CCDC6: variants seen among roughly 807,000 people sequenced by gnomAD.
CCDC6 encodes coiled-coil domain containing 6, also known as coiled-coil domain-containing protein 6.
CCDC6 carries 20 observed loss-of-function variants against 56.6 expected under a neutral mutation model. The ratio of observed to expected loss-of-function variants is 0.35; its 90% confidence interval spans 0.25 to 0.51. The LOEUF is 0.51. CCDC6 is among the 20% of genes least tolerant of loss of function. The pLI is 0.95. For missense variants in CCDC6, 367 were observed against 601.1 expected (o/e 0.61, Z 4.07); for synonymous variants, 241 against 234.4 (o/e 1.03, Z -0.26).
intron 2 of CCDC6, among the ~76,000 whole-genome samples, chr10:59,837,129 A>G (rs1275441272): frequency 6.6e-6 from 1 of 152,222 alleles, no homozygotes; most frequent in Admixed American, 6.5e-5. Context: ...GATTTCTGGA[A>G]CCACTTCAAT....
chr10:59,805,864 A>G (rs2070617567), intron 6 of CCDC6, among the ~76,000 whole-genome samples: 1 of 152,330 alleles, frequency 6.6e-6, no homozygotes, highest in African/African-American at 2.4e-5. Context: ...TCCACAGCAA[A>G]CTGATCAACA....
intron 5 of CCDC6, among the ~76,000 whole-genome samples, chr10:59,808,144 TC>T (rs958753247): frequency 2.6e-5 from 4 of 151,966 alleles, no homozygotes; most frequent in African/African-American, 9.7e-5. Flanking sequence ...CCCCCACAAA[TC>T]CAGGTCTCTG....
At chr10:59,873,324 AG>A (rs1402869142) in intron 1 of CCDC6, among the ~76,000 whole-genome samples, 1 of 152,132 alleles carries the variant, frequency 6.6e-6, no homozygotes, top group Non-Finnish European at 1.5e-5. Flanking sequence ...TGTCCTTATA[AG>A]AAGGGAAAAT....
chr10:59,828,236 A>G (rs1400476062), intron 3 of CCDC6, among the ~76,000 whole-genome samples: 1 of 152,246 alleles, frequency 6.6e-6, no homozygotes, highest in Non-Finnish European at 1.5e-5. Context: ...TCTGCAAGTC[A>G]GGGTTTATAG....
intron 1 of CCDC6, among the ~76,000 whole-genome samples, chr10:59,899,267 A>G (rs1488485750): frequency 1.3e-5 from 2 of 152,238 alleles, no homozygotes; most frequent in Admixed American, 6.5e-5. Flanking sequence ...TGACAATTCA[A>G]TATACCTGAA....
At chr10:59,889,426 A>G (rs1177706) in intron 1 of CCDC6, among the ~76,000 whole-genome samples, 150,584 of 152,330 alleles carry the variant, frequency 0.99, 74,455 homozygotes, top group East Asian at 1. Context: ...CCTTCTCCCT[A>G]GAATGCCCTT....
At chr10:59,897,892 C>T (rs1374946507) in intron 1 of CCDC6, among the ~76,000 whole-genome samples, 1 of 152,204 alleles carries the variant, frequency 6.6e-6, no homozygotes, top group African/African-American at 2.4e-5. Flanking sequence ...CAACTCTGCT[C>T]TGCAGTACCA....
At chr10:59,905,993 C>T (rs2071542214) in intron 1 of CCDC6, 129 bp downstream of exon 1, 2 of 809,990 alleles carry the variant, frequency 2.5e-6, no homozygotes, top group Admixed American at 2.9e-5. Flanking sequence ...AGCAGGTCCC[C>T]GCAGGGAGTG....
chr10:59,898,821 G>A (rs1170873062), intron 1 of CCDC6, among the ~76,000 whole-genome samples: 1 of 152,174 alleles, frequency 6.6e-6, no homozygotes, highest in East Asian at 1.9e-4. Flanking sequence ...CGGGGGCAGA[G>A]AGGGGAGACC....
intron 2 of CCDC6, among the ~76,000 whole-genome samples, chr10:59,847,817 CTTT>C (rs757902015): frequency 3.8e-5 from 4 of 104,838 alleles, no homozygotes; most frequent in South Asian, 3.4e-4. Context: ...GCCTTTTAGA[CTTT>C]TTTTTTTTTT....
chr10:59,869,730 G>T (rs1344261312), intron 1 of CCDC6, among the ~76,000 whole-genome samples: 1 of 152,016 alleles, frequency 6.6e-6, no homozygotes, highest in Admixed American at 6.6e-5. Context: ...TGACCACTTT[G>T]TTACCCTGCT....
At chr10:59,819,032 C>T (rs1040445302) in intron 3 of CCDC6, among the ~76,000 whole-genome samples, 19 of 152,152 alleles carry the variant, frequency 1.2e-4, no homozygotes, top group Non-Finnish European at 1.9e-4. Context: ...GGTAATTATA[C>T]GGTTTTCATT....
chr10:59,903,542 C>A (rs1159362820), intron 1 of CCDC6, among the ~76,000 whole-genome samples: 2 of 152,134 alleles, frequency 1.3e-5, no homozygotes, highest in African/African-American at 4.8e-5. Context: ...GGCAATGTGT[C>A]TTCCTGAACT....
chr10:59,892,141 C>T (rs1312632601), intron 1 of CCDC6, among the ~76,000 whole-genome samples: 3 of 152,232 alleles, frequency 2.0e-5, no homozygotes, highest in African/African-American at 7.2e-5. Context: ...CGTTGCCCAT[C>T]AAAGTCCACC....
At chr10:59,857,201 A>T (rs754045992) in intron 1 of CCDC6, among the ~76,000 whole-genome samples, 1 of 152,202 alleles carries the variant, frequency 6.6e-6, no homozygotes, top group African/African-American at 2.4e-5. Context: ...ATCAGGAGAA[A>T]TTTACCAAGT....
intron 1 of CCDC6, among the ~76,000 whole-genome samples, chr10:59,886,052 T>G (rs1242079331): frequency 2.6e-5 from 4 of 152,194 alleles, no homozygotes; most frequent in Middle Eastern, 3.4e-3. Context: ...TTTTGTAATA[T>G]ATACGTTATT....
intron 2 of CCDC6, among the ~76,000 whole-genome samples, chr10:59,844,375 T>C (rs1417002338): frequency 1.3e-5 from 2 of 149,286 alleles, no homozygotes; most frequent in Non-Finnish European, 3.0e-5. Flanking sequence ...AGGAGCATGA[T>C]GCCACTAAAA....
Position 59,840,972 on chromosome 10 carries a change from A to G in CCDC6, c.454-8319T>C, listed in dbSNP as rs2132649160. ...ATAATCTCTTCATGACACAGCAACC[A>G]AAGCAATCATTTTAAGAGCTATGTA... is the stretch of plus-strand genomic sequence containing the variant. On this transcript the variant is annotated intron_variant, in intron 2 of 8. Coordinates refer to ENST00000263102, the MANE Select transcript of CCDC6 (RefSeq NM_005436.5). Among the ~76,000 whole-genome samples, 4 of 152,266 alleles carry G rather than the reference A, an allele frequency of 2.6e-5. 1 individual carries two copies. Among genetic ancestry groups the G allele is most frequent in the Admixed American group, 2.6e-4 (4 of 15,292 alleles).
chr10:59,892,478 C>T (rs974192176), intron 1 of CCDC6, among the ~76,000 whole-genome samples: 12 of 152,164 alleles, frequency 7.9e-5, no homozygotes, highest in Non-Finnish European at 1.5e-4. Flanking sequence ...TTGCGAGGCT[C>T]CCCAACCTGC....
Sources: allele counts gnomAD v4.1 joint callset (sites outside exome capture counted in the v4.1 genomes callset), GRCh38; gene constraint gnomAD v4.1.1; transcripts MANE v1.5; gene names NCBI Gene and HGNC (gene_info 2026-07-23, HGNC 2026-07-21).